Variants in DGAT2L6 observed in about 807,000 individuals in gnomAD.
DGAT2L6 encodes diacylglycerol O-acyltransferase 2 like 6.
DGAT2L6 carries 22 observed loss-of-function variants against 25.5 expected under a neutral mutation model. The observed-to-expected ratio is 0.86, with a 90% confidence interval of 0.62 to 1.23. DGAT2L6 has a LOEUF of 1.23. Ranked by LOEUF, DGAT2L6 falls within the 50% of genes most tolerant of loss-of-function variation. The probability of loss-of-function intolerance (pLI) is 0.00; values close to 1 mark genes in which losing one functional copy is unlikely to be tolerated. For synonymous variants in DGAT2L6, 100 were observed against 94.7 expected, an observed-to-expected ratio of 1.06 and a Z score of -0.32; for missense variants, 287 against 253.2, an observed-to-expected ratio of 1.13 and a Z score of -0.91.
intron 1 of DGAT2L6, among the ~76,000 whole-genome samples, chrX:70,183,387 G>A (rs1212956209): frequency 8.9e-6 from 1 of 112,171 alleles, no homozygotes; most frequent in African/African-American, 3.2e-5. Flanking sequence ...GACTATCCAG[G>A]GACAGCGCCT....
intron 1 of DGAT2L6, among the ~76,000 whole-genome samples, chrX:70,185,366 C>G (rs953972088): frequency 8.9e-6 from 1 of 112,272 alleles, no homozygotes; most frequent in African/African-American, 3.2e-5. Context: ...GTTTTCCACA[C>G]GTATTAATGT....
Position 70,199,391 on chromosome X carries a change from AG to A in DGAT2L6, c.196+14del, listed in dbSNP as rs1293345947. The stretch of plus-strand genomic sequence containing the variant: ...AACACCCACAGTCAAGGTAAGAGAC[AG>A]GGGCACAATGGTGGTCCTGTTTGGG... On this transcript the variant is annotated intron_variant, in intron 2 of 6. Coordinates refer to ENST00000333026, the MANE Select transcript of DGAT2L6 (RefSeq NM_198512.3). The A allele has an allele frequency of 6.5e-6, 7 of 1,075,237 alleles. No individual in the cohort carries two copies. Among genetic ancestry groups the A allele is most frequent in the Non-Finnish European group, 8.7e-6 (7 of 803,469 alleles). 88.6% of individuals were successfully genotyped at this position (1,075,237 alleles called of 1,213,427 possible).
intron 1 of DGAT2L6, among the ~76,000 whole-genome samples, chrX:70,184,437 A>G (rs1410693636): frequency 3.6e-5 from 4 of 109,850 alleles, no homozygotes; most frequent in African/African-American, 1.3e-4. Flanking sequence ...TAAAGCAGAT[A>G]CAGGCTTTTT....
Position 70,204,322 on chromosome X carries a change from C to T in DGAT2L6, c.665C>T (p.Ser222Leu). ...CTTTGCAGGGCATACCTTGTCCCTT[C>T]ATATTCCTTTGGTGAGAACGAAGTT... ...ALQTGAYLVP[S>L]YSFGENEVFN... is the part of the protein sequence containing the mutation. The change falls in exon 6 of 7, where the codon TCA becomes TTA. Residue 222 changes from serine (S) to leucine (L), a missense_variant. Physicochemically the swap from Ser to Leu is moderately radical, Grantham distance 145. Coordinates refer to ENST00000333026, the MANE Select transcript of DGAT2L6 (RefSeq NM_198512.3). The T allele has an allele frequency of 8.3e-7, 1 of 1,207,521 alleles. No individual in the cohort carries two copies. The highest frequency in any genetic ancestry group is 1.1e-6 in the Non-Finnish European group (1 of 893,188).
At chrX:70,183,811 G>A (rs897216979) in intron 1 of DGAT2L6, among the ~76,000 whole-genome samples, 2 of 109,097 alleles carry the variant, frequency 1.8e-5, no homozygotes, top group East Asian at 5.7e-4. Flanking sequence ...TGGGAGGATC[G>A]CTCGAGCCTG....
intron 1 of DGAT2L6, among the ~76,000 whole-genome samples, chrX:70,185,390 T>C (rs1238395797): frequency 8.9e-6 from 1 of 112,485 alleles, no homozygotes; most frequent in Non-Finnish European, 1.9e-5. Flanking sequence ...TTAATACACA[T>C]GAGGTACTTA....
intron 1 of DGAT2L6, among the ~76,000 whole-genome samples, chrX:70,191,844 G>T (rs1342448175): frequency 1.8e-5 from 2 of 112,230 alleles, no homozygotes; most frequent in Non-Finnish European, 3.8e-5. Flanking sequence ...AAATCTTGCA[G>T]GCCAGGAGGG....
chrX:70,197,721 A>AATG (rs1387569447), intron 1 of DGAT2L6, among the ~76,000 whole-genome samples: 1 of 112,585 alleles, frequency 8.9e-6, no homozygotes, highest in Non-Finnish European at 1.9e-5. Flanking sequence ...ATATAAAAGA[A>AATG]ATGATACACT....
At chrX:70,199,982 G>A in intron 3 of DGAT2L6, 100 bp downstream of exon 3, 1 of 876,582 alleles carries the variant, frequency 1.1e-6, no homozygotes, top group Non-Finnish European at 1.6e-6. Context: ...CAGCAGCGAA[G>A]GTCAAGGCCC....
In DGAT2L6 at chrX:70,199,966, G is replaced by T. The variant is rs1448612776; in HGVS notation, c.267+84G>T. The stretch of plus-strand genomic sequence containing the variant: ...TCAGCTCCATGTTTTCAGAGGCTTT[G>T]GTGGTCAGCAGCGAAGGTCAAGGCC... On this transcript the variant is annotated intron_variant, in intron 3 of 6. Coordinates refer to ENST00000333026, the MANE Select transcript of DGAT2L6 (RefSeq NM_198512.3). The T allele has an allele frequency of 5.1e-6, 5 of 988,577 alleles. No homozygotes were observed. The African/African-American group carries it at 9.6e-5, about 19-fold the overall frequency. 81.5% of individuals were successfully genotyped at this position (988,577 alleles called of 1,213,427 possible).
Position 70,177,847 on chromosome X carries a change from C to T in DGAT2L6, c.85+180C>T, listed in dbSNP as rs766437619. On this transcript the variant is annotated intron_variant, in intron 1 of 6. Coordinates refer to ENST00000333026, the MANE Select transcript of DGAT2L6 (RefSeq NM_198512.3). ...GTTCTGGTTTAAAGATTACTCCAGG[C>T]CAGGCACGGTGGCTCAGGCCTATAA... 3.6e-5 allele frequency among the ~76,000 whole-genome samples: 4 copies of T among 110,754 alleles called. No homozygotes were observed. In the East Asian group the frequency reaches 1.1e-3, roughly 32 times the overall value.
chrX:70,180,124 G>A (rs2147600897), intron 1 of DGAT2L6, among the ~76,000 whole-genome samples: 1 of 110,259 alleles, frequency 9.1e-6, no homozygotes, highest in South Asian at 4.0e-4. Flanking sequence ...GTGGAGTGGG[G>A]ATGATACCTA....
chrX:70,193,854 A>C (rs2085382945), intron 1 of DGAT2L6, among the ~76,000 whole-genome samples: 1 of 112,117 alleles, frequency 8.9e-6, no homozygotes, highest in Non-Finnish European at 1.9e-5. Flanking sequence ...AAGGGTGCTC[A>C]TTCTGCCATT....
intron 4 of DGAT2L6, among the ~76,000 whole-genome samples, chrX:70,201,030 T>A (rs998987989): frequency 1.8e-5 from 2 of 112,337 alleles, no homozygotes; most frequent in Non-Finnish European, 3.8e-5. Context: ...AACTTCCCCA[T>A]GCTCAGCTTC....
rs2085402098 is a variant in DGAT2L6, at chrX:70,199,390, C to CAGGG, written c.196+10_196+13dup. ...GAACACCCACAGTCAAGGTAAGAGA[C>CAGGG]AGGGGCACAATGGTGGTCCTGTTTG... On this transcript the variant is annotated intron_variant, in intron 2 of 6. Transcript: ENST00000333026. 8.8e-7 allele frequency: 1 copy of CAGGG among 1,141,598 alleles called. No homozygotes were observed. Among genetic ancestry groups the CAGGG allele is most frequent in the Non-Finnish European group, 1.2e-6 (1 of 846,652 alleles). The allele number at this position is 1,141,598 out of a possible 1,213,427, so 94.1% of individuals were successfully genotyped here.
chrX:70,200,534 C>G, intron 4 of DGAT2L6, 75 bp downstream of exon 4: 7 of 960,642 alleles, frequency 7.3e-6, no homozygotes, highest in Non-Finnish European at 1.0e-5. Flanking sequence ...CTGACAATCA[C>G]TACCTGCTTG....
chrX:70,200,336 T>C lies in DGAT2L6; in HGVS notation c.349T>C (p.Phe117Leu). The change falls in exon 4 of 7, where the codon TTC becomes CTC. Residue 117 changes from phenylalanine to leucine, a missense_variant. Physicochemically the swap from Phe to Leu is conservative, Grantham distance 22. Transcript: ENST00000333026. ...HPHGILSFGV[F>L]INFATEATGI... ...CCATGGCATTCTCTCTTTTGGTGTC[T>C]TCATCAACTTTGCCACTGAGGCCAC... The C allele has an allele frequency of 8.3e-7, 1 of 1,211,538 alleles. No homozygotes were observed. Among genetic ancestry groups the C allele is most frequent in the Admixed American group, 2.2e-5 (1 of 46,036 alleles).
chrX:70,184,857 G>A (rs1249793830), intron 1 of DGAT2L6, among the ~76,000 whole-genome samples: 7 of 110,626 alleles, frequency 6.3e-5, no homozygotes, highest in Non-Finnish European at 9.5e-5. Flanking sequence ...ACTCAGCTGC[G>A]TTGGGCTGAA....
chrX:70,181,295 A>C (rs950993686), intron 1 of DGAT2L6, among the ~76,000 whole-genome samples: 1 of 112,130 alleles, frequency 8.9e-6, no homozygotes, highest in Non-Finnish European at 1.9e-5. Context: ...CATTTCCCTG[A>C]TGATCAGTAA....
Sources: gnomAD v4.1 joint callset for allele counts (sites outside exome capture counted in the v4.1 genomes callset) on GRCh38, gnomAD v4.1.1 for gene constraint, MANE v1.5 for transcripts, NCBI Gene and HGNC (gene_info 2026-07-23, HGNC 2026-07-21) for gene names.